Variants in DIP2C observed in about 807,000 individuals in gnomAD.
The protein encoded by DIP2C is disco-interacting protein 2 homolog C.
DIP2C carries 33 observed loss-of-function variants against 192.4 expected under a neutral mutation model. That is an observed-to-expected ratio of 0.17 (90% confidence interval 0.13 to 0.23). DIP2C has a LOEUF of 0.23. DIP2C is among the 10% of genes least tolerant of loss of function. DIP2C has a pLI of 1.00. For synonymous variants in DIP2C, 979 were observed against 864.1 expected, an observed-to-expected ratio of 1.13 and a Z score of -2.33; for missense variants, 1,537 against 2,110.1, an observed-to-expected ratio of 0.73 and a Z score of 5.32.
In DIP2C at chr10:399,223, T is replaced by TGGGAC; in HGVS notation, c.1150-9_1150-5dup. ...TGTTGGGGAACACCAGTGCCACCTG[T>TGGGAC]GGGACAGGCCAGAGCGGGTCAGCAT... On this transcript the variant is annotated splice_region_variant and splice_polypyrimidine_tract_variant and intron_variant, in intron 9 of 36. Coordinates refer to ENST00000280886, the MANE Select transcript of DIP2C (RefSeq NM_014974.3). 6.2e-7 allele frequency: 1 copy of TGGGAC among 1,613,686 alleles called. No homozygotes were observed. The highest frequency in any genetic ancestry group is 8.5e-7 in the Non-Finnish European group (1 of 1,179,776).
At chr10:574,522 A>G (rs1850029805) in intron 1 of DIP2C, among the ~76,000 whole-genome samples, 1 of 151,122 alleles carries the variant, frequency 6.6e-6, no homozygotes, top group Admixed American at 6.6e-5. Context: ...AACAGGGTAC[A>G]TGTATTAGTG....
At chr10:653,213 C>T (rs973901761) in intron 1 of DIP2C, among the ~76,000 whole-genome samples, 1 of 152,046 alleles carries the variant, frequency 6.6e-6, no homozygotes, top group African/African-American at 2.4e-5. Context: ...CTTTGGGAGG[C>T]CAAGGTGGGC....
At chr10:603,475 A>G (rs753978551) in intron 1 of DIP2C, among the ~76,000 whole-genome samples, 5 of 152,142 alleles carry the variant, frequency 3.3e-5, no homozygotes, top group Admixed American at 6.5e-5. Flanking sequence ...GTCATGTGTT[A>G]AAGACCACTC....
At position 651,878 on chromosome 10, in the gene DIP2C, G is replaced by A. The variant is rs1041572427; in HGVS notation, c.85+37616C>T. 7 of 198,492 alleles carry A rather than the reference G, an allele frequency of 3.5e-5. No individual in the cohort carries two copies. Among genetic ancestry groups the A allele is most frequent in the South Asian group, 9.0e-5 (1 of 11,138 alleles). 12.3% of individuals were successfully genotyped at this position (198,492 alleles called of 1,614,324 possible). ...AAAGAAACCACCTGCTACTGCAAACGGCCTCGCTGTACTCAGGGAGTCGGT... is the reference window on the plus strand; with the variant it reads ...AAAGAAACCACCTGCTACTGCAAACAGCCTCGCTGTACTCAGGGAGTCGGT... On this transcript the variant is annotated intron_variant, in intron 1 of 36. Coordinates refer to ENST00000280886, the MANE Select transcript of DIP2C (RefSeq NM_014974.3). The surrounding 1 kb of genome is among the most constrained non-coding windows in gnomAD (Gnocchi z 4.1).
At chr10:638,409 A>G (rs1329736695) in intron 1 of DIP2C, among the ~76,000 whole-genome samples, 1 of 152,236 alleles carries the variant, frequency 6.6e-6, no homozygotes, top group Non-Finnish European at 1.5e-5. Context: ...TGCTGACAGC[A>G]GGGTTTGCTT....
chr10:557,344 G>A (rs1848932647), intron 1 of DIP2C, among the ~76,000 whole-genome samples: 1 of 152,100 alleles, frequency 6.6e-6, no homozygotes, highest in East Asian at 1.9e-4. Context: ...GAACCACTCA[G>A]CAGAGCTGCC....
At chr10:343,117 A>G (rs1223605372) in intron 28 of DIP2C, among the ~76,000 whole-genome samples, 10 of 152,124 alleles carry the variant, frequency 6.6e-5, no homozygotes, top group Admixed American at 1.3e-4. Flanking sequence ...GTGAAACCCC[A>G]TCTCTACTAA....
chr10:561,185 G>A (rs540511778), intron 1 of DIP2C, among the ~76,000 whole-genome samples: 16 of 152,290 alleles, frequency 1.1e-4, no homozygotes, highest in Admixed American at 2.6e-4. Context: ...GGGCTGTATC[G>A]TGGGCCATGG....
chr10:512,863 G>A (rs1191785671), intron 1 of DIP2C, among the ~76,000 whole-genome samples: 3 of 139,996 alleles, frequency 2.1e-5, no homozygotes, highest in East Asian at 2.1e-4. Context: ...GCAGTGAGCC[G>A]AGATTGCGCC....
intron 29 of DIP2C, among the ~76,000 whole-genome samples, chr10:330,875 T>C (rs1957475892): frequency 6.7e-6 from 1 of 150,242 alleles, no homozygotes; most frequent in South Asian, 2.1e-4. Flanking sequence ...TGCAGTGGTG[T>C]GATCTGGGTT....
At chr10:548,218 CCA>C (rs1491179004) in intron 1 of DIP2C, among the ~76,000 whole-genome samples, 24 of 130,510 alleles carry the variant, frequency 1.8e-4, no homozygotes, top group African/African-American at 5.7e-4. Flanking sequence ...ACCCCCCCCC[CCA>C]CAGGAAAGCC....
chr10:527,846 C>T (rs1219209170), intron 1 of DIP2C, among the ~76,000 whole-genome samples: 2 of 152,330 alleles, frequency 1.3e-5, no homozygotes, highest in Non-Finnish European at 1.5e-5. Context: ...CCATCCTTCC[C>T]GTCCCTGGGC....
intron 1 of DIP2C, among the ~76,000 whole-genome samples, chr10:574,337 C>T (rs548088406): frequency 5.9e-5 from 9 of 152,210 alleles, no homozygotes; most frequent in Non-Finnish European, 1.3e-4. Context: ...TAGGAAACTG[C>T]ACGGTTAGAA....
chr10:539,630 T>C (rs570234073), intron 1 of DIP2C, among the ~76,000 whole-genome samples: 1 of 152,358 alleles, frequency 6.6e-6, no homozygotes, highest in South Asian at 2.1e-4. Flanking sequence ...AAGAAATTAC[T>C]GTGTGTCACG....
intron 1 of DIP2C, among the ~76,000 whole-genome samples, chr10:611,311 G>A (rs866495646): frequency 5.9e-5 from 9 of 152,278 alleles, no homozygotes; most frequent in Middle Eastern, 3.4e-3. Flanking sequence ...ACAGTATGCC[G>A]ATTAAACCTT....
At chr10:378,199 G>A (rs1290941509) in intron 17 of DIP2C, among the ~76,000 whole-genome samples, 1 of 152,110 alleles carries the variant, frequency 6.6e-6, no homozygotes, top group Non-Finnish European at 1.5e-5. Context: ...AATATAACAG[G>A]ACAGTGACAG....
At chr10:293,887 C>G (rs1194771747) in intron 32 of DIP2C, among the ~76,000 whole-genome samples, 2 of 152,152 alleles carry the variant, frequency 1.3e-5, no homozygotes, top group African/African-American at 4.8e-5. Flanking sequence ...GTGGCCACCA[C>G]AAAAGGCTAA....
Position 419,270 on chromosome 10 carries a change from C to T in DIP2C, c.605-71G>A, listed in dbSNP as rs572485145. Reference sequence around the variant, plus strand: ...GCTCTGAAGGTGGAACAAGCCACAGCCCAGGAAGAGACTGAAGCACAGGTG... The same window carrying T: ...GCTCTGAAGGTGGAACAAGCCACAGTCCAGGAAGAGACTGAAGCACAGGTG... On this transcript the variant is annotated intron_variant, in intron 5 of 36. Coordinates refer to ENST00000280886, the MANE Select transcript of DIP2C (RefSeq NM_014974.3). The T allele has an allele frequency of 1.3e-4, 214 of 1,602,926 alleles. No individual in the cohort carries two copies. The African/African-American group carries it at 2.5e-3, about 19-fold the overall frequency.
chr10:539,040 T>C (rs1317797394), intron 1 of DIP2C, among the ~76,000 whole-genome samples: 3 of 152,034 alleles, frequency 2.0e-5, no homozygotes, highest in Non-Finnish European at 4.4e-5. Flanking sequence ...GTGAATCTGT[T>C]CTACGAGCTC....
Sources: gnomAD v4.1 joint callset for allele counts (sites outside exome capture counted in the v4.1 genomes callset) on GRCh38, gnomAD v4.1.1 for gene constraint, Gnocchi (gnomAD v3.1) non-coding constraint, MANE v1.5 for transcripts, NCBI Gene and HGNC (gene_info 2026-07-23, HGNC 2026-07-21) for gene names.